PRKN: variants seen among roughly 807,000 people sequenced by gnomAD.
The protein encoded by PRKN is parkin RBR E3 ubiquitin protein ligase, also known as E3 ubiquitin-protein ligase parkin.
PRKN carries 56 observed loss-of-function variants against 59.5 expected under a neutral mutation model. That is an observed-to-expected ratio of 0.94 (90% CI 0.76 to 1.18). The LOEUF is 1.18. Ranked by LOEUF, PRKN falls within the 50% of genes most tolerant of loss-of-function variation. PRKN has a pLI of 0.00. For missense variants in PRKN, 657 were observed against 596.4 expected (o/e 1.10, Z -1.06); for synonymous variants, 250 against 222.1 (o/e 1.13, Z -1.12).
chr6:161,560,101 C>T lies in PRKN; in HGVS notation c.933+9254G>A, dbSNP rs1406865135. 6.6e-6 allele frequency among the ~76,000 whole-genome samples: 1 copy of T among 152,162 alleles called. No individual in the cohort carries two copies. The highest frequency in any genetic ancestry group is 6.5e-5 in the Admixed American group (1 of 15,272). ...TTCTTATCACCCAAACTGTCAGTCC[C>T]ATATGGGTCCATACGTTTCCTAATA... is the stretch of plus-strand genomic sequence containing the variant. On this transcript the variant is annotated intron_variant, in intron 8 of 11. Transcript: ENST00000366898. This position sits in a 1 kb window ranked among gnomAD's most constrained non-coding sequence, Gnocchi z 4.9.
chr6:162,258,920 TAA>T (rs1255754016), intron 3 of PRKN, among the ~76,000 whole-genome samples: 5 of 152,324 alleles, frequency 3.3e-5, no homozygotes, highest in South Asian at 4.1e-4. Context: ...TTTTGCCAAC[TAA>T]AAATACTTGA....
intron 4 of PRKN, among the ~76,000 whole-genome samples, chr6:162,150,778 G>A (rs1309369569): frequency 6.6e-6 from 1 of 152,138 alleles, no homozygotes. Context: ...CTGGTTCTCT[G>A]ATATTGACAC....
intron 1 of PRKN, 82 bp from the exon 2 acceptor site, chr6:162,443,555 G>A (rs1025147464): frequency 3.9e-6 from 5 of 1,295,988 alleles, no homozygotes; most frequent in Middle Eastern, 1.8e-4. Flanking sequence ...TTTCTCAACC[G>A]ATTTACCCCT....
chr6:161,911,400 C>T (rs929752606), intron 6 of PRKN, among the ~76,000 whole-genome samples: 19 of 152,166 alleles, frequency 1.2e-4, no homozygotes, highest in African/African-American at 4.3e-4. Context: ...TTCAACAAAG[C>T]TTAAACCCCC....
At chr6:162,681,795 G>T (rs921332822) in intron 1 of PRKN, among the ~76,000 whole-genome samples, 1 of 152,012 alleles carries the variant, frequency 6.6e-6, no homozygotes, top group Non-Finnish European at 1.5e-5. Context: ...CCTCTAGGGG[G>T]TATTTGGACC....
intron 7 of PRKN, among the ~76,000 whole-genome samples, chr6:161,622,547 C>G (rs1412476399): frequency 6.6e-6 from 1 of 152,190 alleles, no homozygotes; most frequent in Non-Finnish European, 1.5e-5. Context: ...CCCCCACACT[C>G]TATGCAGCCT....
chr6:162,621,060 G>A (rs1388407629), intron 1 of PRKN, among the ~76,000 whole-genome samples: 4 of 151,144 alleles, frequency 2.6e-5, no homozygotes, highest in Non-Finnish European at 4.4e-5. Context: ...GGAAGCTTGT[G>A]GCATCTTCTT....
At chr6:162,573,408 A>G (rs1190086610) in intron 1 of PRKN, among the ~76,000 whole-genome samples, 2 of 152,102 alleles carry the variant, frequency 1.3e-5, no homozygotes, top group East Asian at 3.9e-4. Context: ...ATGCATAGAT[A>G]TTGGTCCCCT....
chr6:161,691,040 TTCCATCCA>T (rs111800155), intron 7 of PRKN, among the ~76,000 whole-genome samples: 13 of 145,410 alleles, frequency 8.9e-5, no homozygotes, highest in African/African-American at 1.5e-4. Flanking sequence ...CTCCTTTCCT[TTCCATCCA>T]TCCATCCATC....
At chr6:162,208,119 T>G (rs986252941) in intron 3 of PRKN, among the ~76,000 whole-genome samples, 1 of 152,216 alleles carries the variant, frequency 6.6e-6, no homozygotes, top group African/African-American at 2.4e-5. Context: ...AGTGAAATTC[T>G]AAGTTTACCA....
At chr6:162,309,718 T>G (rs567011478) in intron 2 of PRKN, among the ~76,000 whole-genome samples, 1 of 152,208 alleles carries the variant, frequency 6.6e-6, no homozygotes, top group Non-Finnish European at 1.5e-5. Context: ...TTTTAACTTT[T>G]AAGCTCAAAG....
intron 1 of PRKN, among the ~76,000 whole-genome samples, chr6:162,709,990 T>C (rs1778469951): frequency 6.6e-6 from 1 of 152,016 alleles, no homozygotes. Flanking sequence ...AACGGAACCG[T>C]GGATATTGCT....
At chr6:162,557,399 C>T (rs1010385166) in intron 1 of PRKN, among the ~76,000 whole-genome samples, 3 of 152,230 alleles carry the variant, frequency 2.0e-5, no homozygotes, top group African/African-American at 7.2e-5. Flanking sequence ...TGTGGCCTCA[C>T]TGGGTGTGCC....
intron 9 of PRKN, among the ~76,000 whole-genome samples, chr6:161,490,785 G>T (rs7774955): frequency 6.6e-6 from 1 of 152,080 alleles, no homozygotes; most frequent in African/African-American, 2.4e-5. Flanking sequence ...TGACTGGATT[G>T]TGGGGGTGGG....
intron 1 of PRKN, among the ~76,000 whole-genome samples, chr6:162,483,197 T>C (rs1792384020): frequency 6.6e-6 from 1 of 152,164 alleles, no homozygotes; most frequent in Admixed American, 6.5e-5. Flanking sequence ...TCTCACGATA[T>C]TCGAGTCTGG....
intron 7 of PRKN, among the ~76,000 whole-genome samples, chr6:161,776,747 G>C (rs992025598): frequency 2.0e-4 from 31 of 152,134 alleles, no homozygotes; most frequent in African/African-American, 7.5e-4. Flanking sequence ...GGAGAGGCAG[G>C]GCAGCAGAGA....
Position 162,334,953 on chromosome 6 carries a change from A to T in PRKN, c.172-72188T>A, listed in dbSNP as rs114439766. On this transcript the variant is annotated intron_variant, in intron 2 of 11. Coordinates refer to ENST00000366898, the MANE Select transcript of PRKN (RefSeq NM_004562.3). ...CAAGAACTAGAAGTGGAGCCTGAAGATGTGACCAAATTGCTGCAATCTCAT... is the reference window on the plus strand; with the variant it reads ...CAAGAACTAGAAGTGGAGCCTGAAGTTGTGACCAAATTGCTGCAATCTCAT... Among the ~76,000 whole-genome samples the T allele has an allele frequency of 9.5e-3, 1,443 of 152,268 alleles. 26 individuals carry two copies. The highest frequency in any genetic ancestry group is 0.032 in the African/African-American group (1,341 of 41,560).
At chr6:162,621,063 A>G in intron 1 of PRKN, among the ~76,000 whole-genome samples, 1 of 150,152 alleles carries the variant, frequency 6.7e-6, no homozygotes, top group Middle Eastern at 3.4e-3. Context: ...AGCTTGTGGC[A>G]TCTTCTTTAT....
intron 3 of PRKN, among the ~76,000 whole-genome samples, chr6:162,224,082 A>T (rs1266260667): frequency 6.7e-6 from 1 of 148,346 alleles, no homozygotes; most frequent in Non-Finnish European, 1.5e-5. Context: ...TCCATACCCC[A>T]AAAAGATTTT....
Sources: allele counts gnomAD v4.1 joint callset (sites outside exome capture counted in the v4.1 genomes callset), GRCh38; gene constraint gnomAD v4.1.1; non-coding constraint Gnocchi (gnomAD v3.1); transcripts MANE v1.5; gene names NCBI Gene and HGNC (gene_info 2026-07-23, HGNC 2026-07-21).